The following DMD variants were observed in gnomAD, a reference collection of about 807,000 sequenced individuals.
DMD encodes the protein dystrophin, also known as mutant dystrophin.
A neutral mutation model predicts 330.1 loss-of-function variants in DMD; 63 were observed. The ratio of observed to expected loss-of-function variants is 0.19; its 90% CI spans 0.16 to 0.24. DMD has a LOEUF of 0.24. Among genes scored for constraint, DMD ranks in the 10% least tolerant of loss-of-function variants. The pLI, the probability that DMD is intolerant of heterozygous loss-of-function variation, is 1.00. For synonymous variants in DMD, 1,223 were observed against 959.8 expected, an observed-to-expected ratio of 1.27 and a Z score of -5.07; for missense variants, 3,344 against 2,684.1, an observed-to-expected ratio of 1.25 and a Z score of -5.43.
intron 44 of DMD, among the ~76,000 whole-genome samples, chrX:32,182,816 T>A (rs1387812900): frequency 8.9e-6 from 1 of 111,848 alleles, no homozygotes; most frequent in Non-Finnish European, 1.9e-5. Flanking sequence ...TTTAAAATAA[T>A]TTAATGTGTA....
chrX:32,775,881 G>C (rs2074092111), intron 7 of DMD, among the ~76,000 whole-genome samples: 2 of 112,713 alleles, frequency 1.8e-5, no homozygotes, highest in Admixed American at 9.3e-5. Context: ...CGCATGGACA[G>C]GCTGCAAATT....
chrX:31,825,318 G>A (rs2092869158), intron 49 of DMD, among the ~76,000 whole-genome samples: 2 of 111,860 alleles, frequency 1.8e-5, no homozygotes, highest in Admixed American at 1.9e-4. Context: ...AACATGGGAT[G>A]AAATCTCATC....
chrX:31,406,517 T>C (rs900756120), intron 60 of DMD, among the ~76,000 whole-genome samples: 16 of 111,532 alleles, frequency 1.4e-4, no homozygotes, highest in African/African-American at 4.6e-4. Context: ...GTTTGTGGAA[T>C]TGGTGTTCCA....
intron 44 of DMD, among the ~76,000 whole-genome samples, chrX:31,979,517 G>T (rs945958877): frequency 1.8e-5 from 2 of 112,029 alleles, no homozygotes; most frequent in Non-Finnish European, 1.9e-5. Flanking sequence ...TGGTGAAACT[G>T]CAGAATTTTT....
At chrX:31,308,171 C>T (rs1238104138) in intron 62 of DMD, among the ~76,000 whole-genome samples, 1 of 111,798 alleles carries the variant, frequency 8.9e-6, no homozygotes, top group Admixed American at 9.5e-5. Context: ...GTTAGGGATC[C>T]CTCTATTAAG....
chrX:31,985,815 T>G (rs1313294476), intron 44 of DMD, among the ~76,000 whole-genome samples: 1 of 111,772 alleles, frequency 8.9e-6, no homozygotes, highest in African/African-American at 3.3e-5. Context: ...AGAATAATGA[T>G]AACGGAGACT....
At chrX:31,902,760 T>A (rs2094438172) in intron 47 of DMD, among the ~76,000 whole-genome samples, 2 of 111,783 alleles carry the variant, frequency 1.8e-5, no homozygotes, top group African/African-American at 6.5e-5. Flanking sequence ...TCCCGTATAA[T>A]CCTAGTTGTG....
At chrX:32,098,650 T>C (rs1034227295) in intron 44 of DMD, among the ~76,000 whole-genome samples, 1 of 111,944 alleles carries the variant, frequency 8.9e-6, no homozygotes, top group Admixed American at 9.5e-5. Flanking sequence ...TTAATACAAG[T>C]TCTTTAACTC....
intron 76 of DMD, among the ~76,000 whole-genome samples, chrX:31,137,376 T>A (rs1254965412): frequency 9.0e-6 from 1 of 111,709 alleles, no homozygotes; most frequent in Non-Finnish European, 1.9e-5. Context: ...TAGAAGTGAA[T>A]CAACTCATTG....
At chrX:32,589,856 A>G (rs929221318) in intron 13 of DMD, among the ~76,000 whole-genome samples, 2 of 111,599 alleles carry the variant, frequency 1.8e-5, no homozygotes, top group African/African-American at 6.5e-5. Context: ...ACAGAGCCCC[A>G]GCTAAATCCT....
chrX:32,978,101 G>C (rs1350964003), intron 2 of DMD, among the ~76,000 whole-genome samples: 1 of 109,295 alleles, frequency 9.1e-6, no homozygotes, highest in Non-Finnish European at 1.9e-5. Context: ...TAAGAGAAAA[G>C]TCTTCTTCAG....
intron 1 of DMD, among the ~76,000 whole-genome samples, chrX:33,165,323 A>T (rs148193247): frequency 0.061 from 6,804 of 111,442 alleles, 157 homozygotes; most frequent in Middle Eastern, 0.079. Context: ...AAACTTCAGC[A>T]GCAGGAAAAG....
At chrX:31,880,873 T>C (rs976769582) in intron 47 of DMD, among the ~76,000 whole-genome samples, 1 of 112,112 alleles carries the variant, frequency 8.9e-6, no homozygotes, top group Non-Finnish European at 1.9e-5. Flanking sequence ...ACAACTGTTA[T>C]TGGTTTATGT....
chrX:32,854,282 G>A (rs2081365923), intron 2 of DMD, among the ~76,000 whole-genome samples: 1 of 111,459 alleles, frequency 9.0e-6, no homozygotes. Flanking sequence ...TCAAGGATGG[G>A]CCATATGTTA....
intron 43 of DMD, among the ~76,000 whole-genome samples, chrX:32,257,625 G>A (rs907278270): frequency 7.2e-5 from 8 of 111,191 alleles, no homozygotes; most frequent in African/African-American, 2.6e-4. Context: ...TGCAGAAAAC[G>A]GAAACTGGAC....
chrX:33,127,063 A>G (rs1201115467), intron 1 of DMD, among the ~76,000 whole-genome samples: 1 of 111,731 alleles, frequency 9.0e-6, no homozygotes, highest in Non-Finnish European at 1.9e-5. Flanking sequence ...AAATCAAGTT[A>G]TGGGAAAATT....
At chrX:31,366,797 A>G (rs1210934025) in intron 60 of DMD, among the ~76,000 whole-genome samples, 1 of 107,830 alleles carries the variant, frequency 9.3e-6, no homozygotes, top group Admixed American at 9.9e-5. Flanking sequence ...CTTTTTTTTT[A>G]GCATTTTAGT....
At chrX:31,261,094 TAAC>T (rs1185584654) in intron 62 of DMD, 78 bp from the exon 63 acceptor site, 8 of 890,365 alleles carry the variant, frequency 9.0e-6, no homozygotes, top group East Asian at 6.4e-5. Flanking sequence ...AAAACAACAA[TAAC>T]AACAACATGA....
chrX:31,255,270 C>G (rs1341265763), intron 63 of DMD, among the ~76,000 whole-genome samples: 1 of 111,442 alleles, frequency 9.0e-6, no homozygotes, highest in Non-Finnish European at 1.9e-5. Flanking sequence ...ATATTACTAT[C>G]TAACATCTAC....
Sources: allele counts gnomAD v4.1 joint callset (sites outside exome capture counted in the v4.1 genomes callset), GRCh38; gene constraint gnomAD v4.1.1; transcripts MANE v1.5; gene names NCBI Gene and HGNC (gene_info 2026-07-23, HGNC 2026-07-21).